Variants in DGKB observed in about 807,000 individuals in gnomAD.
DGKB encodes the protein 90 kDa diacylglycerol kinase.
A neutral mutation model predicts 114.3 loss-of-function variants in DGKB; 67 were observed. That is an observed-to-expected ratio of 0.59 (90% CI 0.48 to 0.72). The LOEUF (loss-of-function observed/expected upper bound fraction) is 0.72, where lower values mean the gene tolerates loss of function less well. Ranked by LOEUF, DGKB falls within the 30% of genes least tolerant of loss-of-function variation. The pLI, the probability that DGKB is intolerant of heterozygous loss-of-function variation, is 0.00. For synonymous variants in DGKB, 398 were observed against 323.1 expected (o/e 1.23, Z -2.49); for missense variants, 907 against 975.2 (o/e 0.93, Z 0.93).
At chr7:14,847,516 G>T (rs1234215574) in intron 1 of DGKB, among the ~76,000 whole-genome samples, 1 of 152,178 alleles carries the variant, frequency 6.6e-6, no homozygotes, top group African/African-American at 2.4e-5. Flanking sequence ...ACCATAAAAA[G>T]AAGTCTAAAT....
chr7:14,774,201 G>C (rs1327064558), intron 2 of DGKB, among the ~76,000 whole-genome samples: 1 of 152,178 alleles, frequency 6.6e-6, no homozygotes, highest in African/African-American at 2.4e-5. Flanking sequence ...GGAAGAGCCT[G>C]AGAAAACACT....
At chr7:14,962,618 CTGTGTGTGTGTGTGTGTT>C (rs1385967638) in intron 1 of DGKB, among the ~76,000 whole-genome samples, 4 of 140,536 alleles carry the variant, frequency 2.8e-5, no homozygotes, top group East Asian at 4.1e-4. Context: ...ATAGCTATAG[CTGTGTGTGTGTGTGTGTT>C]TGTGTGTGTG....
intron 22 of DGKB, among the ~76,000 whole-genome samples, chr7:14,341,802 C>A (rs571647734): frequency 4.6e-5 from 7 of 151,856 alleles, no homozygotes; most frequent in Non-Finnish European, 1.0e-4. Flanking sequence ...TGTTTCAGAT[C>A]CACTTAACAT....
At chr7:14,365,633 G>T (rs180829899) in intron 21 of DGKB, among the ~76,000 whole-genome samples, 2 of 151,928 alleles carry the variant, frequency 1.3e-5, no homozygotes, top group African/African-American at 2.4e-5. Context: ...TAAAGAAGAG[G>T]TATGATATCT....
chr7:14,153,764 A>C (rs1005924989), intron 25 of DGKB, among the ~76,000 whole-genome samples: 11 of 152,100 alleles, frequency 7.2e-5, no homozygotes, highest in African/African-American at 2.7e-4. Flanking sequence ...AGAAAAAAAA[A>C]TAGGTCACTT....
At chr7:14,631,597 T>C (rs187510591) in intron 13 of DGKB, among the ~76,000 whole-genome samples, 2 of 152,178 alleles carry the variant, frequency 1.3e-5, no homozygotes, top group Admixed American at 1.3e-4. Context: ...GTTTTGAAGA[T>C]GAATTGACAG....
At chr7:14,652,575 G>A (rs533565641) in intron 13 of DGKB, among the ~76,000 whole-genome samples, 3 of 151,782 alleles carry the variant, frequency 2.0e-5, no homozygotes, top group Non-Finnish European at 2.9e-5. Context: ...TTTACCATTC[G>A]GGACATAGGC....
chr7:14,924,270 C>T (rs968030602), intron 1 of DGKB, among the ~76,000 whole-genome samples: 8 of 152,102 alleles, frequency 5.3e-5, no homozygotes, highest in Admixed American at 2.0e-4. Flanking sequence ...CTGTCCTACG[C>T]GTTCTAATAT....
At chr7:14,830,072 T>C (rs912605616) in intron 2 of DGKB, among the ~76,000 whole-genome samples, 5 of 152,008 alleles carry the variant, frequency 3.3e-5, no homozygotes, top group Non-Finnish European at 7.4e-5. Context: ...CCTGCAAAGA[T>C]GAGTATGGGG....
At chr7:14,196,466 C>T (rs758118658) in intron 23 of DGKB, among the ~76,000 whole-genome samples, 6 of 152,082 alleles carry the variant, frequency 3.9e-5, no homozygotes, top group Non-Finnish European at 7.4e-5. Flanking sequence ...CCTCCCCCCA[C>T]ACTCCCTTTC....
chr7:14,444,856 TA>T (rs886657157), intron 21 of DGKB, among the ~76,000 whole-genome samples: 2 of 151,834 alleles, frequency 1.3e-5, no homozygotes, highest in Non-Finnish European at 3.0e-5. Flanking sequence ...AAGAGTGGTA[TA>T]AAAGAGCATA....
chr7:14,314,672 T>C (rs1282283294), intron 23 of DGKB, among the ~76,000 whole-genome samples: 1 of 151,988 alleles, frequency 6.6e-6, no homozygotes, highest in Non-Finnish European at 1.5e-5. Context: ...TACCTGAAAG[T>C]GATGGGGAGA....
intron 20 of DGKB, among the ~76,000 whole-genome samples, chr7:14,519,956 T>G (rs1183807658): frequency 6.6e-6 from 1 of 151,954 alleles, no homozygotes; most frequent in East Asian, 1.9e-4. Context: ...TCAAGTCCTT[T>G]ATCAGATATA....
At chr7:14,562,530 C>G (rs964553562) in intron 20 of DGKB, among the ~76,000 whole-genome samples, 7 of 152,174 alleles carry the variant, frequency 4.6e-5, no homozygotes, top group African/African-American at 1.4e-4. Context: ...TGCAAAGACA[C>G]AGAGGTGGAG....
intron 23 of DGKB, among the ~76,000 whole-genome samples, chr7:14,195,632 A>G (rs10281653): frequency 0.012 from 1,896 of 152,302 alleles, 44 homozygotes; most frequent in African/African-American, 0.043. Context: ...AACTATAATG[A>G]GATGTTTCTA....
At chr7:14,943,511 T>C (rs1203187329) in intron 1 of DGKB, among the ~76,000 whole-genome samples, 1 of 151,952 alleles carries the variant, frequency 6.6e-6, no homozygotes, top group Non-Finnish European at 1.5e-5. Context: ...ATTATTTTTA[T>C]TGTTCTAGAA....
chr7:14,698,938 T>C (rs1824597739), intron 7 of DGKB, among the ~76,000 whole-genome samples: 1 of 152,074 alleles, frequency 6.6e-6, no homozygotes, highest in Admixed American at 6.5e-5. Context: ...ACCGTATGAT[T>C]TAAAATGTAA....
intron 2 of DGKB, among the ~76,000 whole-genome samples, chr7:14,776,508 T>A (rs575384841): frequency 1.7e-3 from 253 of 152,312 alleles, no homozygotes; most frequent in Non-Finnish European, 3.1e-3. Flanking sequence ...GGGCCTTGCA[T>A]TCCAGCTGCT....
intron 23 of DGKB, chr7:14,209,622 A>T: frequency 2.5e-6 from 1 of 404,090 alleles, no homozygotes; most frequent in Non-Finnish European, 5.0e-6. Flanking sequence ...AAGCTTTACC[A>T]ATCTCCCATT....
Sources: gnomAD v4.1 joint callset for allele counts (sites outside exome capture counted in the v4.1 genomes callset) on GRCh38, gnomAD v4.1.1 for gene constraint, MANE v1.5 for transcripts, NCBI Gene and HGNC (gene_info 2026-07-23, HGNC 2026-07-21) for gene names.